FABP12: variants seen among roughly 807,000 people sequenced by gnomAD.
FABP12 encodes the protein fatty acid binding protein 12.
A neutral mutation model predicts 13.7 loss-of-function variants in FABP12; 19 were observed. The observed-to-expected ratio is 1.39, with a 90% confidence interval of 0.97 to 2.04. The LOEUF (loss-of-function observed/expected upper bound fraction) is 2.04, where lower values mean the gene tolerates loss of function less well. FABP12 is among the 30% of genes most tolerant of loss of function. The pLI is 0.00. For missense variants in FABP12, 182 were observed against 164.2 expected, an observed-to-expected ratio of 1.11 and a Z score of -0.59; for synonymous variants, 61 against 57.0, an observed-to-expected ratio of 1.07 and a Z score of -0.32.
At chr8:81,586,514 C>T (rs1214636882) in intron 1 of FABP12, among the ~76,000 whole-genome samples, 1 of 151,988 alleles carries the variant, frequency 6.6e-6, no homozygotes, top group African/African-American at 2.4e-5. Flanking sequence ...TATTATTTTC[C>T]ACTTTTTAAT....
At chr8:81,577,550 G>A (rs1048653814) in intron 1 of FABP12, among the ~76,000 whole-genome samples, 1 of 152,126 alleles carries the variant, frequency 6.6e-6, no homozygotes, top group Non-Finnish European at 1.5e-5. Context: ...CTTGAGGTCA[G>A]GAGGTCAAGA....
intron 1 of FABP12, among the ~76,000 whole-genome samples, chr8:81,553,662 A>G (rs760577480): frequency 6.6e-6 from 1 of 152,212 alleles, no homozygotes; most frequent in Non-Finnish European, 1.5e-5. Flanking sequence ...TCTAGCTCGC[A>G]GTTCAGGCTT....
At chr8:81,581,018 C>G (rs1476958056) in intron 1 of FABP12, among the ~76,000 whole-genome samples, 1 of 152,134 alleles carries the variant, frequency 6.6e-6, no homozygotes, top group South Asian at 2.1e-4. Context: ...AATAGTAGGA[C>G]TTTGCTTTTG....
chr8:81,539,648 T>C (rs1218581015), exon 2 of FABP12, among the ~76,000 whole-genome samples: 1 of 152,196 alleles, frequency 6.6e-6, no homozygotes, highest in East Asian at 1.9e-4. Flanking sequence ...GACTGCTCAC[T>C]GAAGGCTGCT....
intron 1 of FABP12, among the ~76,000 whole-genome samples, chr8:81,564,903 T>TA (rs34066470): frequency 6.6e-6 from 1 of 151,806 alleles, no homozygotes; most frequent in Admixed American, 6.6e-5. Context: ...CTGAGTGGAT[T>TA]AAAAAACAGG....
At chr8:81,578,487 CTTTTT>C (rs201920868) in intron 1 of FABP12, among the ~76,000 whole-genome samples, 1 of 136,634 alleles carries the variant, frequency 7.3e-6, no homozygotes, top group Admixed American at 7.4e-5. Context: ...ATTTTCTTTT[CTTTTT>C]TTTTTTTTTT....
chr8:81,555,586 T>A (rs906453403), intron 1 of FABP12, among the ~76,000 whole-genome samples: 1 of 152,230 alleles, frequency 6.6e-6, no homozygotes, highest in African/African-American at 2.4e-5. Context: ...AGTTGCCATC[T>A]TTTGATGGTT....
At chr8:81,541,305 A>C (rs1033343579) in intron 1 of FABP12, among the ~76,000 whole-genome samples, 1 of 152,210 alleles carries the variant, frequency 6.6e-6, no homozygotes, top group Non-Finnish European at 1.5e-5. Flanking sequence ...TGAATCAAAA[A>C]CATGCATTTT....
chr8:81,526,891 A>AT (rs1007753955), intron 4 of FABP12, 129 bp downstream of exon 4: 4 of 595,912 alleles, frequency 6.7e-6, no homozygotes, highest in Non-Finnish European at 1.2e-5. Context: ...TTATCTCATA[A>AT]TTTTTTTCTC....
chr8:81,576,294 G>C (rs1469834095), intron 1 of FABP12, among the ~76,000 whole-genome samples: 4 of 151,958 alleles, frequency 2.6e-5, no homozygotes, highest in Non-Finnish European at 4.4e-5. Context: ...TCCAATGAAT[G>C]ATTCATATAA....
intron 1 of FABP12, among the ~76,000 whole-genome samples, chr8:81,556,158 T>C (rs369245461): frequency 2.6e-5 from 4 of 152,304 alleles, no homozygotes; most frequent in Non-Finnish European, 1.5e-5. Flanking sequence ...TTGGCAAGTT[T>C]CATTCCTGGT....
rs201992505 is a variant in FABP12, at chr8:81,581,266, AG to A, written c.-185+8786del. On this transcript the variant is annotated intron_variant, in intron 1 of 5. Transcript: ENST00000692030. ...TGCTACCCAATCACAAGGCTTGAAA[AG>A]GGAGGACTTTGATTGTGATCATAAG... is the stretch of plus-strand genomic sequence containing the variant. 1.2e-3 allele frequency among the ~76,000 whole-genome samples: 183 copies of A among 152,318 alleles called. No homozygotes were observed. The East Asian group carries it at 0.033, about 27-fold the overall frequency.
chr8:81,525,529 A>AAAATAG (rs558390116), intron 4 of FABP12, among the ~76,000 whole-genome samples: 22 of 149,976 alleles, frequency 1.5e-4, no homozygotes, highest in African/African-American at 4.5e-4. Flanking sequence ...AAAAAAAAAA[A>AAAATAG]ATAGATAGAT....
At chr8:81,570,531 G>T (rs1338955064) in intron 1 of FABP12, among the ~76,000 whole-genome samples, 2 of 152,120 alleles carry the variant, frequency 1.3e-5, no homozygotes, top group Non-Finnish European at 2.9e-5. Flanking sequence ...AGCAGAGAGG[G>T]CAGCTCCTCT....
At chr8:81,553,604 C>A (rs1246449076) in intron 1 of FABP12, among the ~76,000 whole-genome samples, 1 of 152,160 alleles carries the variant, frequency 6.6e-6, no homozygotes, top group Non-Finnish European at 1.5e-5. Flanking sequence ...GGAATTTGTA[C>A]TTACTCAAGA....
At chr8:81,572,067 T>C (rs1295261178) in intron 1 of FABP12, among the ~76,000 whole-genome samples, 1 of 152,098 alleles carries the variant, frequency 6.6e-6, no homozygotes, top group African/African-American at 2.4e-5. Flanking sequence ...CCGAGCAGTA[T>C]ACACTGCACC....
At position 81,565,253 on chromosome 8, in the gene FABP12, C is replaced by T. The variant is rs115229566; in HGVS notation, c.-185+24800G>A. ...CAATAATAGCTGGAGAATTCAGTGC[C>T]CCATATTCAGAATTAGACAGACTAT... On this transcript the variant is annotated intron_variant, in intron 1 of 5. Coordinates refer to the FABP12 transcript ENST00000692030. Among the ~76,000 whole-genome samples, 472 of 151,938 alleles carry T rather than the reference C, an allele frequency of 3.1e-3. 6 individuals are homozygous for T. The highest frequency in any genetic ancestry group is 0.011 in the African/African-American group (454 of 41,474).
chr8:81,549,860 C>A (rs1809496982), intron 1 of FABP12, among the ~76,000 whole-genome samples: 2 of 152,184 alleles, frequency 1.3e-5, no homozygotes, highest in Non-Finnish European at 2.9e-5. Context: ...AACCTGCATT[C>A]CTAATTTCAT....
exon 3 of FABP12, chr8:81,529,515 T>A (rs776142686): frequency 6.2e-7 from 1 of 1,613,996 alleles, no homozygotes; most frequent in East Asian, 2.2e-5. Context: ...TTTTTAAAGA[T>A]GCTTTTGGTT....
Sources: gnomAD v4.1 joint callset for allele counts (sites outside exome capture counted in the v4.1 genomes callset) on GRCh38, gnomAD v4.1.1 for gene constraint, MANE v1.5 for transcripts, NCBI Gene and HGNC (gene_info 2026-07-23, HGNC 2026-07-21) for gene names.